Variants in SLC35A1 observed in about 807,000 individuals in gnomAD.
SLC35A1 encodes the protein CMP-sialic acid transporter.
In SLC35A1, 21 loss-of-function variants were observed where a neutral mutation model predicts 40.3. The ratio of observed to expected loss-of-function variants is 0.52; its 90% confidence interval spans 0.37 to 0.75. SLC35A1 has a LOEUF of 0.75. Among genes scored for constraint, SLC35A1 ranks in the 30% least tolerant of loss-of-function variants. The probability of loss-of-function intolerance (pLI) is 0.00; values close to 1 mark genes in which losing one functional copy is unlikely to be tolerated. For missense variants in SLC35A1, 297 were observed against 382.1 expected (o/e 0.78, Z 1.86); for synonymous variants, 146 against 147.3 (o/e 0.99, Z 0.06).
chr6:87,507,359 T>C (rs1770118090), intron 5 of SLC35A1, among the ~76,000 whole-genome samples: 2 of 152,176 alleles, frequency 1.3e-5, no homozygotes, highest in African/African-American at 4.8e-5. Flanking sequence ...GAACAAAAAT[T>C]GAGTTACCTA....
intron 4 of SLC35A1, among the ~76,000 whole-genome samples, chr6:87,503,770 C>T (rs1769993622): frequency 6.6e-6 from 1 of 152,138 alleles, no homozygotes; most frequent in East Asian, 1.9e-4. Context: ...CAAACATTAT[C>T]TCTATGGAAT....
At chr6:87,507,810 C>T (rs766244860) in intron 5 of SLC35A1, among the ~76,000 whole-genome samples, 1 of 152,064 alleles carries the variant, frequency 6.6e-6, no homozygotes, top group Non-Finnish European at 1.5e-5. Context: ...CCTTCAACTC[C>T]AGAAAAATGC....
intron 2 of SLC35A1, among the ~76,000 whole-genome samples, chr6:87,486,141 A>T (rs1257464588): frequency 6.6e-6 from 1 of 152,148 alleles, no homozygotes; most frequent in Non-Finnish European, 1.5e-5. Context: ...TTTATTTAGT[A>T]TGGTCTCTGA....
chr6:87,505,781 G>A (rs555416936), intron 4 of SLC35A1, among the ~76,000 whole-genome samples: 4 of 152,182 alleles, frequency 2.6e-5, no homozygotes, highest in African/African-American at 9.7e-5. Flanking sequence ...CTTGAGGACA[G>A]AGCCTTCATG....
chr6:87,511,564 A>G lies in SLC35A1; in HGVS notation c.*38A>G, dbSNP rs1770275867. Reference sequence around the variant, plus strand: ...GTGAGACTCCTTTTAAGACTAAACCATTTGCATTAAACTAGAGCCTTAAGT... The same window carrying G: ...GTGAGACTCCTTTTAAGACTAAACCGTTTGCATTAAACTAGAGCCTTAAGT... On this transcript the variant is annotated 3_prime_UTR_variant, in exon 8 of 8. Transcript: ENST00000369552. 6.2e-7 allele frequency: 1 copy of G among 1,607,046 alleles called. No individual in the cohort carries two copies. Among genetic ancestry groups the G allele is most frequent in the Non-Finnish European group, 8.5e-7 (1 of 1,173,820 alleles).
intron 2 of SLC35A1, among the ~76,000 whole-genome samples, chr6:87,497,966 T>G (rs1308423465): frequency 1.3e-5 from 2 of 151,708 alleles, no homozygotes; most frequent in Admixed American, 6.6e-5. Context: ...TGGCCTCAAG[T>G]GATCCTCTTG....
chr6:87,501,032 G>T, intron 3 of SLC35A1, 126 bp from the exon 4 acceptor site: 1 of 939,186 alleles, frequency 1.1e-6, no homozygotes, highest in Non-Finnish European at 1.7e-6. Flanking sequence ...TTACAGGTGT[G>T]AGCCACCGTG....
chr6:87,508,632 CTTTAT>C (rs1770161163), intron 6 of SLC35A1, 36 bp downstream of exon 6: 4 of 1,552,572 alleles, frequency 2.6e-6, no homozygotes, highest in Non-Finnish European at 3.5e-6. Context: ...TTAGTAGATC[CTTTAT>C]TTTTTTTTTA....
chr6:87,507,232 C>G (rs976228286), intron 5 of SLC35A1, among the ~76,000 whole-genome samples: 5 of 152,038 alleles, frequency 3.3e-5, no homozygotes, highest in African/African-American at 1.2e-4. Context: ...ACTAGGAAAG[C>G]AGGCTGAATA....
intron 1 of SLC35A1, among the ~76,000 whole-genome samples, chr6:87,473,266 T>C (rs1768970718): frequency 6.6e-6 from 1 of 152,174 alleles, no homozygotes; most frequent in Admixed American, 6.5e-5. Flanking sequence ...CGCACTGACC[T>C]CCACTAGCTG....
At chr6:87,499,319 A>G (rs1390364103) in intron 2 of SLC35A1, among the ~76,000 whole-genome samples, 1 of 152,242 alleles carries the variant, frequency 6.6e-6, no homozygotes, top group Non-Finnish European at 1.5e-5. Flanking sequence ...TCAAACTTTG[A>G]GTTGGAACAG....
At position 87,480,441 on chromosome 6, in the gene SLC35A1, G is replaced by C. The variant is rs151002288; in HGVS notation, c.194+2902G>C. ...GTTACTTTTGTTTAAAGTGTGAATG[G>C]AATATTTAATACATTTTAACCAGGC... is the stretch of plus-strand genomic sequence containing the variant. On this transcript the variant is annotated intron_variant, in intron 2 of 7. Transcript: ENST00000369552. Among the ~76,000 whole-genome samples, 416 of 152,280 alleles carry C rather than the reference G, an allele frequency of 2.7e-3. 4 individuals carry two copies. The highest frequency in any genetic ancestry group is 2.3e-3 in the East Asian group (12 of 5,184).
rs148156824 is a variant in SLC35A1 at position 87,483,328 on chromosome 6, C to T, written c.194+5789C>T. 3.2e-4 allele frequency among the ~76,000 whole-genome samples: 49 copies of T among 152,102 alleles called. No individual in the cohort carries two copies. In the East Asian group the frequency reaches 9.3e-3, roughly 29 times the overall value. ...CCCTCTCCTCCTTCCCCTAGGGGAGCGACCAGTGGGAGTGGAGTTTAGCCT... is the reference window on the plus strand; with the variant it reads ...CCCTCTCCTCCTTCCCCTAGGGGAGTGACCAGTGGGAGTGGAGTTTAGCCT... On this transcript the variant is annotated intron_variant, in intron 2 of 7. Coordinates refer to ENST00000369552, the MANE Select transcript of SLC35A1 (RefSeq NM_006416.5).
intron 5 of SLC35A1, among the ~76,000 whole-genome samples, chr6:87,507,765 T>G (rs1770132046): frequency 6.6e-6 from 1 of 152,098 alleles, no homozygotes; most frequent in Non-Finnish European, 1.5e-5. Context: ...AGGGGTATCA[T>G]GTACTCCTTT....
Position 87,477,465 on chromosome 6 carries a change from A to G in SLC35A1, c.120A>G (p.Glu40=). Residue 40 remains glutamate (E), a synonymous_variant, in exon 2 of 8, where the codon GAA becomes GAG. Coordinates refer to ENST00000369552, the MANE Select transcript of SLC35A1 (RefSeq NM_006416.5). ...ALRYTRTSDK[E]LYFSTTAVCI... ...GATACACAAGGACATCAGACAAAGA[A>G]CTCTACTTTTCAACCACAGCCGTGT... 1 of 1,613,956 alleles carries G rather than the reference A, an allele frequency of 6.2e-7. No individual in the cohort carries two copies. The highest frequency in any genetic ancestry group is 8.5e-7 in the Non-Finnish European group (1 of 1,179,954).
In SLC35A1 at chr6:87,499,512, G is replaced by A. The variant is rs768050296; in HGVS notation, c.195-996G>A. ...AGGAAATACAAGCCAGATTAGCCAC[G>A]TCCTTCTGAAATAATAATAGCAAAA... On this transcript the variant is annotated intron_variant, in intron 2 of 7. Transcript: ENST00000369552. Among the ~76,000 whole-genome samples, 15 of 152,106 alleles carry A rather than the reference G, an allele frequency of 9.9e-5. No individual in the cohort carries two copies. The East Asian group carries it at 1.9e-3, about 19-fold the overall frequency.
At chr6:87,478,833 A>G (rs1271145355) in intron 2 of SLC35A1, among the ~76,000 whole-genome samples, 1 of 152,206 alleles carries the variant, frequency 6.6e-6, no homozygotes, top group African/African-American at 2.4e-5. Flanking sequence ...CCTTCTATAG[A>G]AGGGTGTGCC....
rs571998405 is a variant in SLC35A1 at position 87,494,423 on chromosome 6, T to C, written c.195-6085T>C. ...AGGTGATTTTTTTTAAATATTTGAA[T>C]TTTTTTTTTTTTTTTTTGAGACAGA... On this transcript the variant is annotated intron_variant, in intron 2 of 7. Transcript: ENST00000369552. Among the ~76,000 whole-genome samples, 203 of 23,594 alleles carry C rather than the reference T, an allele frequency of 8.6e-3. 1 individual carries two copies. Among genetic ancestry groups the C allele is most frequent in the Admixed American group, 0.013 (20 of 1,526 alleles). 15.5% of individuals were successfully genotyped at this position (23,594 alleles called of 152,430 possible).
Position 87,501,141 on chromosome 6 carries a change from C to T in SLC35A1, c.355-17C>T, listed in dbSNP as rs1769911908. 1 of 1,591,114 alleles carries T rather than the reference C, an allele frequency of 6.3e-7. No homozygotes were observed. The highest frequency in any genetic ancestry group is 2.2e-5 in the East Asian group (1 of 44,782). ...CTAACATTAACTGAATTTATTAATT[C>T]ATTCTCTTTTTTTTAGGTGACCTAC... On this transcript the variant is annotated splice_polypyrimidine_tract_variant and intron_variant, in intron 3 of 7. Coordinates refer to ENST00000369552, the MANE Select transcript of SLC35A1 (RefSeq NM_006416.5).
Sources: allele counts gnomAD v4.1 joint callset (sites outside exome capture counted in the v4.1 genomes callset), GRCh38; gene constraint gnomAD v4.1.1; transcripts MANE v1.5; gene names NCBI Gene and HGNC (gene_info 2026-07-23, HGNC 2026-07-21).